ETNK1: variants seen among roughly 807,000 people sequenced by gnomAD.
ETNK1 encodes putative protein product of Nbla10396.
Under a neutral mutation model 45.1 loss-of-function variants are expected in ETNK1, and 8 were observed. The observed-to-expected ratio is 0.18, with a 90% CI of 0.10 to 0.32. ETNK1 has a LOEUF of 0.32. Among genes scored for constraint, ETNK1 ranks in the 10% least tolerant of loss-of-function variants. The pLI is 1.00. For missense variants in ETNK1, 302 were observed against 430.6 expected (o/e 0.70, Z 2.64); for synonymous variants, 152 against 151.9 (o/e 1.00, Z -0.01).
Position 22,625,267 on chromosome 12 carries a change from C to A in ETNK1, c.-164C>A. 1 of 1,609,826 alleles carries A rather than the reference C, an allele frequency of 6.2e-7. No individual in the cohort carries two copies. Among genetic ancestry groups the A allele is most frequent in the Non-Finnish European group, 8.5e-7 (1 of 1,178,924 alleles). On this transcript the variant is annotated 5_prime_UTR_variant, in exon 1 of 8. Coordinates refer to ENST00000266517, the MANE Select transcript of ETNK1 (RefSeq NM_018638.5). ...GTCCAGACCCGGATCGGCAACAGTG[C>A]CGCCTCCAGACGTTCTCCTGCCGCT...
chr12:22,677,031 C>A (rs1036311178), intron 6 of ETNK1, among the ~76,000 whole-genome samples: 4 of 152,044 alleles, frequency 2.6e-5, no homozygotes, highest in African/African-American at 7.2e-5. Context: ...CATTTGTATA[C>A]TTTGGCTTTG....
chr12:22,679,511 C>T (rs763573441), intron 6 of ETNK1, among the ~76,000 whole-genome samples: 1 of 152,128 alleles, frequency 6.6e-6, no homozygotes, highest in Admixed American at 6.5e-5. Flanking sequence ...TGGCAACACC[C>T]TCACAGACAC....
chr12:22,650,109 GT>G (rs2137542636), intron 2 of ETNK1, among the ~76,000 whole-genome samples: 2 of 152,040 alleles, frequency 1.3e-5, no homozygotes, highest in South Asian at 4.2e-4. Context: ...TTCATTACTG[GT>G]ATGTAGGAAA....
Position 22,690,275 on chromosome 12 carries a change from ATCTG to A in ETNK1, c.*5326_*5329del, listed in dbSNP as rs1174800043. On this transcript the variant is annotated 3_prime_UTR_variant, in exon 8 of 8. Transcript: ENST00000266517. The stretch of plus-strand genomic sequence containing the variant: ...GGTGTTTTGCTATGCCTCAGAAAAT[ATCTG>A]TCTGAGAATTTGTTAATCTGTTTGA... 6.6e-6 allele frequency: 1 copy of A among 152,534 alleles called. No homozygotes were observed. Among genetic ancestry groups the A allele is most frequent in the Non-Finnish European group, 1.5e-5 (1 of 67,936 alleles). 9.4% of individuals were successfully genotyped at this position (152,534 alleles called of 1,614,324 possible).
rs192932626 is a variant in ETNK1 at position 22,646,682 on chromosome 12, A to G, written c.416+2660A>G. Reference sequence around the variant, plus strand: ...TAAATGTTGATGAGCGCTTTAGATCAAAGTCCACAGTACTTTCTTGAATTG... The same window carrying G: ...TAAATGTTGATGAGCGCTTTAGATCGAAGTCCACAGTACTTTCTTGAATTG... On this transcript the variant is annotated intron_variant, in intron 2 of 7. Transcript: ENST00000266517. 4.6e-5 allele frequency among the ~76,000 whole-genome samples: 7 copies of G among 151,984 alleles called. No homozygotes were observed. The East Asian group carries it at 1.2e-3, about 25-fold the overall frequency.
intron 1 of ETNK1, among the ~76,000 whole-genome samples, chr12:22,639,787 A>G (rs550643234): frequency 6.6e-6 from 1 of 152,316 alleles, no homozygotes; most frequent in South Asian, 2.1e-4. Context: ...GTTTCGTGAA[A>G]TCAGGAGGTG....
intron 1 of ETNK1, among the ~76,000 whole-genome samples, chr12:22,633,751 G>A (rs1350335189): frequency 1.3e-5 from 2 of 151,744 alleles, no homozygotes; most frequent in African/African-American, 4.8e-5. Flanking sequence ...TTATCCCTAG[G>A]TGTTGACGCT....
intron 4 of ETNK1, among the ~76,000 whole-genome samples, chr12:22,669,702 T>G (rs1954088538): frequency 6.6e-6 from 1 of 152,104 alleles, no homozygotes; most frequent in African/African-American, 2.4e-5. Flanking sequence ...CTTAAAACTT[T>G]TTGTGGAATA....
chr12:22,673,260 G>GA lies in ETNK1; in HGVS notation c.785-235dup, dbSNP rs554060164. 3.3e-4 allele frequency among the ~76,000 whole-genome samples: 50 copies of GA among 152,296 alleles called. No individual in the cohort carries two copies. In the South Asian group the frequency reaches 3.9e-3, roughly 12 times the overall value. Reference sequence around the variant, plus strand: ...GCTGGTTCAAGCTATAAACTTTGAGGAAAAATTGAAGCTATGAGAATTGAT... The same window carrying GA: ...GCTGGTTCAAGCTATAAACTTTGAGGAAAAAATTGAAGCTATGAGAATTGAT... On this transcript the variant is annotated intron_variant, in intron 5 of 7. Coordinates refer to ENST00000266517, the MANE Select transcript of ETNK1 (RefSeq NM_018638.5).
intron 6 of ETNK1, among the ~76,000 whole-genome samples, chr12:22,680,294 G>T (rs932179495): frequency 5.9e-5 from 9 of 151,792 alleles, no homozygotes; most frequent in South Asian, 2.1e-4. Flanking sequence ...AGTTTTTTTT[G>T]TTGTTGTTTT....
At chr12:22,647,786 A>G (rs1295699827) in intron 2 of ETNK1, among the ~76,000 whole-genome samples, 1 of 151,956 alleles carries the variant, frequency 6.6e-6, no homozygotes, top group Non-Finnish European at 1.5e-5. Flanking sequence ...AGAAGTAACA[A>G]TTAGTGTTAG....
Position 22,661,067 on chromosome 12 carries a change from C to G in ETNK1, c.562C>G (p.Leu188Val). Residue 188 changes from leucine to valine, a missense_variant, in exon 4 of 8, where the codon CTA becomes GTA. Coordinates refer to ENST00000266517, the MANE Select transcript of ETNK1 (RefSeq NM_018638.5). ...FADEDINKRF[L>V]SDIPSSQILQ... ...CTCTTCTTTTAAAACTAAAAGGTTC[C>G]TAAGTGATATCCCAAGCTCTCAGAT... 6.2e-7 allele frequency: 1 copy of G among 1,604,874 alleles called. No homozygotes were observed. The highest frequency in any genetic ancestry group is 8.5e-7 in the Non-Finnish European group (1 of 1,177,286).
chr12:22,648,652 G>A (rs1953837051), intron 2 of ETNK1, among the ~76,000 whole-genome samples: 1 of 151,932 alleles, frequency 6.6e-6, no homozygotes, highest in African/African-American at 2.4e-5. Flanking sequence ...CCAAGTTTTA[G>A]CAATTATGAA....
At chr12:22,673,353 A>G (rs1954129166) in intron 5 of ETNK1, 147 bp from the exon 6 acceptor site, 1 of 522,754 alleles carries the variant, frequency 1.9e-6, no homozygotes, top group Non-Finnish European at 3.3e-6. Context: ...TATTATTTTA[A>G]TAAATGCTTT....
chr12:22,646,599 TATTG>T (rs1354833363), intron 2 of ETNK1, among the ~76,000 whole-genome samples: 1 of 151,896 alleles, frequency 6.6e-6, no homozygotes, highest in Non-Finnish European at 1.5e-5. Flanking sequence ...TTTAAGACAC[TATTG>T]ATTGTTAGGT....
chr12:22,643,738 C>T, intron 1 of ETNK1, 25 bp from the exon 2 acceptor site: 2 of 1,559,010 alleles, frequency 1.3e-6, no homozygotes, highest in South Asian at 1.2e-5. Flanking sequence ...CTTTTTTTCC[C>T]ATTTTTAAAA....
At chr12:22,641,430 T>A (rs1276766934) in intron 1 of ETNK1, among the ~76,000 whole-genome samples, 1 of 152,214 alleles carries the variant, frequency 6.6e-6, no homozygotes, top group Non-Finnish European at 1.5e-5. Context: ...TCCTATTTTT[T>A]TCTACCTTCA....
At chr12:22,683,527 A>C (rs1418676816) in intron 6 of ETNK1, among the ~76,000 whole-genome samples, 1 of 152,140 alleles carries the variant, frequency 6.6e-6, no homozygotes, top group African/African-American at 2.4e-5. Flanking sequence ...AGAATGGCTA[A>C]TATTCCCATC....
At chr12:22,644,835 C>T (rs924076433) in intron 2 of ETNK1, among the ~76,000 whole-genome samples, 2 of 151,860 alleles carry the variant, frequency 1.3e-5, no homozygotes, top group Non-Finnish European at 2.9e-5. Flanking sequence ...AGGTAAATAA[C>T]GTCTTGTGAA....
Sources: allele counts gnomAD v4.1 joint callset (sites outside exome capture counted in the v4.1 genomes callset), GRCh38; gene constraint gnomAD v4.1.1; transcripts MANE v1.5; gene names NCBI Gene and HGNC (gene_info 2026-07-23, HGNC 2026-07-21).